The following HS6ST3 variants were observed in gnomAD, a reference collection of about 807,000 sequenced individuals.
HS6ST3 encodes heparan-sulfate 6-O-sulfotransferase 3.
In HS6ST3, 12 loss-of-function variants were observed where a neutral mutation model predicts 36.7. The observed-to-expected ratio is 0.33, with a 90% CI of 0.21 to 0.53. The LOEUF (loss-of-function observed/expected upper bound fraction) is 0.53, where lower values mean the gene tolerates loss of function less well. HS6ST3 is among the 20% of genes least tolerant of loss of function. The pLI is 0.95. For missense variants in HS6ST3, 584 were observed against 640.9 expected (o/e 0.91, Z 0.96); for synonymous variants, 240 against 257.5 (o/e 0.93, Z 0.65).
At chr13:96,132,704 C>G (rs972771239) in intron 1 of HS6ST3, among the ~76,000 whole-genome samples, 7 of 152,186 alleles carry the variant, frequency 4.6e-5, no homozygotes, top group African/African-American at 1.7e-4. Context: ...CTGCACCCCC[C>G]AGCTAATGGC....
intron 1 of HS6ST3, among the ~76,000 whole-genome samples, chr13:96,824,161 A>C (rs1054099592): frequency 1.3e-5 from 2 of 152,254 alleles, no homozygotes; most frequent in Non-Finnish European, 2.9e-5. Flanking sequence ...GTCAAGATAC[A>C]TGGGTAGTAA....
chr13:96,592,411 A>G (rs970450378), intron 1 of HS6ST3, among the ~76,000 whole-genome samples: 3 of 152,072 alleles, frequency 2.0e-5, no homozygotes, highest in Admixed American at 6.6e-5. Flanking sequence ...TGATTGGTTC[A>G]TTGTTTAGTC....
intron 1 of HS6ST3, among the ~76,000 whole-genome samples, chr13:96,490,340 G>A (rs1308849348): frequency 1.3e-5 from 2 of 152,064 alleles, no homozygotes; most frequent in Non-Finnish European, 2.9e-5. Flanking sequence ...AGTAGAACAT[G>A]TGCACACTAA....
intron 1 of HS6ST3, among the ~76,000 whole-genome samples, chr13:96,422,236 C>G (rs1301680731): frequency 6.6e-6 from 1 of 152,196 alleles, no homozygotes. Flanking sequence ...CTGAGCTATT[C>G]TGAGTTGAGT....
intron 1 of HS6ST3, among the ~76,000 whole-genome samples, chr13:96,174,601 C>T (rs1185124415): frequency 6.6e-6 from 1 of 152,104 alleles, no homozygotes; most frequent in Non-Finnish European, 1.5e-5. Context: ...CTATATACAA[C>T]TTTCTCTCTC....
chr13:96,654,548 G>A (rs960818890), intron 1 of HS6ST3, among the ~76,000 whole-genome samples: 12 of 152,178 alleles, frequency 7.9e-5, no homozygotes, highest in Middle Eastern at 3.4e-3. Context: ...TGAGGCCTCT[G>A]TTCTGTTCCC....
intron 1 of HS6ST3, among the ~76,000 whole-genome samples, chr13:96,474,397 T>G (rs1479356783): frequency 6.6e-6 from 1 of 152,094 alleles, no homozygotes; most frequent in Non-Finnish European, 1.5e-5. Context: ...TAGGAAATGT[T>G]TAAAAATAAA....
At chr13:96,694,971 A>C (rs1041004051) in intron 1 of HS6ST3, among the ~76,000 whole-genome samples, 2 of 152,178 alleles carry the variant, frequency 1.3e-5, no homozygotes, top group Non-Finnish European at 2.9e-5. Context: ...TCTTTAAAAA[A>C]CTTTTGGTCA....
chr13:96,566,217 C>T (rs1031448892), intron 1 of HS6ST3, among the ~76,000 whole-genome samples: 6 of 151,568 alleles, frequency 4.0e-5, no homozygotes, highest in African/African-American at 1.5e-4. Flanking sequence ...AGAATCAATA[C>T]AGAAAGCTAA....
chr13:96,263,223 T>C (rs1351819101), intron 1 of HS6ST3, among the ~76,000 whole-genome samples: 1 of 152,206 alleles, frequency 6.6e-6, no homozygotes, highest in Non-Finnish European at 1.5e-5. Flanking sequence ...CACTTATCTT[T>C]ATAATTCAAG....
intron 1 of HS6ST3, among the ~76,000 whole-genome samples, chr13:96,484,599 A>C (rs1286089059): frequency 6.6e-6 from 1 of 152,114 alleles, no homozygotes; most frequent in Non-Finnish European, 1.5e-5. Context: ...ATCATACAGT[A>C]TTTGTCTTTC....
intron 1 of HS6ST3, among the ~76,000 whole-genome samples, chr13:96,126,786 G>A (rs941617928): frequency 1.3e-5 from 2 of 152,134 alleles, no homozygotes; most frequent in African/African-American, 2.4e-5. Flanking sequence ...AGGAAACCAC[G>A]CAAATGTTCA....
At chr13:96,143,283 T>C (rs1386569873) in intron 1 of HS6ST3, among the ~76,000 whole-genome samples, 2 of 151,838 alleles carry the variant, frequency 1.3e-5, no homozygotes, top group East Asian at 3.8e-4. Context: ...ACAAAAACTT[T>C]GAGTAAAAAT....
At chr13:96,460,857 T>G (rs1363632702) in intron 1 of HS6ST3, among the ~76,000 whole-genome samples, 1 of 152,166 alleles carries the variant, frequency 6.6e-6, no homozygotes, top group Non-Finnish European at 1.5e-5. Context: ...GAGCATATAG[T>G]CAGGAAGTAT....
At chr13:96,755,348 G>GT (rs955039236) in intron 1 of HS6ST3, among the ~76,000 whole-genome samples, 11 of 150,740 alleles carry the variant, frequency 7.3e-5, no homozygotes, top group African/African-American at 2.2e-4. Flanking sequence ...CAGTTTTTTT[G>GT]TTTTTTTGTT....
chr13:96,737,148 AAG>A (rs941656660), intron 1 of HS6ST3, among the ~76,000 whole-genome samples: 1 of 152,302 alleles, frequency 6.6e-6, no homozygotes, highest in East Asian at 1.9e-4. Context: ...TAAACAGAGA[AAG>A]AGAGAAAGAA....
At chr13:96,126,297 T>G (rs2053950649) in intron 1 of HS6ST3, among the ~76,000 whole-genome samples, 1 of 152,158 alleles carries the variant, frequency 6.6e-6, no homozygotes, top group Non-Finnish European at 1.5e-5. Flanking sequence ...CTACGCTTGG[T>G]CTCCTCCAGC....
chr13:96,614,297 CAAAAAAAAAAAAA>C (rs67979751), intron 1 of HS6ST3, among the ~76,000 whole-genome samples: 3 of 43,970 alleles, frequency 6.8e-5, no homozygotes, highest in African/African-American at 9.3e-5. Context: ...GGATCCATCT[CAAAAAAAAAAAAA>C]AAAAAAAAAA....
intron 1 of HS6ST3, among the ~76,000 whole-genome samples, chr13:96,642,948 C>T (rs142187891): frequency 6.6e-6 from 1 of 151,972 alleles, no homozygotes; most frequent in East Asian, 1.9e-4. Flanking sequence ...TTTAGGCTCT[C>T]CTTTCTTGTT....
Sources: gnomAD v4.1 joint callset for allele counts (sites outside exome capture counted in the v4.1 genomes callset) on GRCh38, gnomAD v4.1.1 for gene constraint, MANE v1.5 for transcripts, NCBI Gene and HGNC (gene_info 2026-07-23, HGNC 2026-07-21) for gene names.